MYO9B: variants seen among roughly 807,000 people sequenced by gnomAD.
The protein encoded by MYO9B is unconventional myosin-IXb.
MYO9B carries 71 observed loss-of-function variants against 229.5 expected under a neutral mutation model. The observed-to-expected ratio is 0.31, with a 90% CI of 0.26 to 0.38. The LOEUF (loss-of-function observed/expected upper bound fraction) is 0.38. MYO9B is among the 10% of genes least tolerant of loss of function. MYO9B has a pLI of 1.00. For synonymous variants in MYO9B, 1,185 were observed against 1,235.8 expected, an observed-to-expected ratio of 0.96 and a Z score of 0.86; for missense variants, 2,255 against 2,920.5, an observed-to-expected ratio of 0.77 and a Z score of 5.25.
intron 3 of MYO9B, among the ~76,000 whole-genome samples, chr19:17,147,389 C>T (rs1316269423): frequency 1.3e-5 from 2 of 151,980 alleles, no homozygotes; most frequent in East Asian, 3.9e-4. Flanking sequence ...ACTAAAAATA[C>T]AAAAATTAGC....
intron 4 of MYO9B, among the ~76,000 whole-genome samples, chr19:17,152,979 T>C (rs1040009375): frequency 1.3e-5 from 2 of 152,088 alleles, no homozygotes; most frequent in Admixed American, 1.3e-4. Flanking sequence ...CAAAATATAC[T>C]TAGATTGGAA....
Position 17,195,538 on chromosome 19 carries a change from A to G in MYO9B, c.4046+65A>G. 4 of 1,518,866 alleles carry G rather than the reference A, an allele frequency of 2.6e-6. No homozygotes were observed. Among genetic ancestry groups the G allele is most frequent in the Non-Finnish European group, 2.6e-6 (3 of 1,132,670 alleles). The allele number at this position is 1,518,866 out of a possible 1,614,324, so 94.1% of individuals were successfully genotyped here. A position where few individuals can be genotyped will look rare whatever the true frequency, so the allele number is the denominator to read the frequency against. ...AGGCCAGGTGGGCAAGGCCAGGGGCAGTGCCACACATCCTGGAAACACATG... is the reference window on the plus strand; with the variant it reads ...AGGCCAGGTGGGCAAGGCCAGGGGCGGTGCCACACATCCTGGAAACACATG... On this transcript the variant is annotated intron_variant, in intron 22 of 39. Coordinates refer to ENST00000682292, the MANE Select transcript of MYO9B (RefSeq NM_004145.4). The surrounding 1 kb of genome is among the most constrained non-coding windows in gnomAD (Gnocchi z 4.5).
intron 1 of MYO9B, among the ~76,000 whole-genome samples, chr19:17,099,691 G>A (rs530337650): frequency 2.7e-4 from 41 of 151,564 alleles, no homozygotes; most frequent in Admixed American, 9.2e-4. Flanking sequence ...GGTGGCGGGC[G>A]CCTGTTGTCT....
intron 4 of MYO9B, among the ~76,000 whole-genome samples, chr19:17,153,125 T>C (rs1474190977): frequency 6.6e-6 from 1 of 150,480 alleles, no homozygotes; most frequent in Non-Finnish European, 1.5e-5. Context: ...ACAGAGCAAG[T>C]CCTTGTCTCT....
chr19:17,126,856 G>A (rs949561962), intron 2 of MYO9B, among the ~76,000 whole-genome samples: 3 of 149,374 alleles, frequency 2.0e-5, no homozygotes, highest in African/African-American at 7.4e-5. Flanking sequence ...TAGAGACGGG[G>A]TTTCACCATA....
intron 19 of MYO9B, 110 bp downstream of exon 19, chr19:17,188,155 G>A: frequency 2.1e-6 from 2 of 938,866 alleles, no homozygotes; most frequent in Non-Finnish European, 3.3e-6. Context: ...TTGGCCAGGT[G>A]CAGTGGCTCA....
At chr19:17,175,823 T>TA in intron 14 of MYO9B, 82 bp downstream of exon 14, 218 of 800,452 alleles carry the variant, frequency 2.7e-4, no homozygotes, top group Non-Finnish European at 3.7e-4. Flanking sequence ...AATGCTACAT[T>TA]CTTTTTTTTT....
rs2072306090 is a variant in MYO9B at position 17,139,081 on chromosome 19, G to A, written c.841-6316G>A. Among the ~76,000 whole-genome samples the A allele has an allele frequency of 2.0e-5, 3 of 152,196 alleles. No homozygotes were observed. In the South Asian group the frequency reaches 6.2e-4, roughly 32 times the overall value. On this transcript the variant is annotated intron_variant, in intron 2 of 39. Transcript: ENST00000682292. ...AGTCCCAGTTACTCTGGAGGCTGAG[G>A]CAGGAGGATAGCCTGAACCTGGGAG... is the stretch of plus-strand genomic sequence containing the variant.
chr19:17,124,245 C>A (rs947431178), intron 2 of MYO9B, among the ~76,000 whole-genome samples: 3 of 151,862 alleles, frequency 2.0e-5, no homozygotes, highest in Admixed American at 2.0e-4. Context: ...GTAATCCCAG[C>A]TGTTGAGGAG....
rs1413664961 is a variant in MYO9B, at chr19:17,102,059, A to G, written c.342A>G (p.Ala114=). Residue 114 remains alanine (A), a synonymous_variant, in exon 2 of 40, where the codon GCA becomes GCG. Transcript: ENST00000682292. Reference sequence around the variant, plus strand: ...ACTTCCTGCTGCAGGAGCGCAACGCAGATGGAACCATCAAGTACGTGCATA... The same window carrying G: ...ACTTCCTGCTGCAGGAGCGCAACGCGGATGGAACCATCAAGTACGTGCATA... ...GYYFLLQERN[A]DGTIKYVHMQ... The G allele has an allele frequency of 1.9e-6, 3 of 1,612,620 alleles. No individual in the cohort carries two copies. The highest frequency in any genetic ancestry group is 2.5e-6 in the Non-Finnish European group (3 of 1,179,880).
chr19:17,120,982 G>A (rs975970905), intron 2 of MYO9B, among the ~76,000 whole-genome samples: 2 of 152,192 alleles, frequency 1.3e-5, no homozygotes, highest in African/African-American at 4.8e-5. Context: ...TGGCTCTATC[G>A]CCCAGGCTGG....
intron 3 of MYO9B, among the ~76,000 whole-genome samples, chr19:17,152,342 AG>A (rs2145268231): frequency 6.6e-6 from 1 of 152,328 alleles, no homozygotes; most frequent in Non-Finnish European, 1.5e-5. Flanking sequence ...CACTTGACAT[AG>A]GTCAAGAGTT....
At chr19:17,084,374 T>C in intron 1 of MYO9B, among the ~76,000 whole-genome samples, 1 of 151,824 alleles carries the variant, frequency 6.6e-6, no homozygotes, top group East Asian at 1.9e-4. Flanking sequence ...ATTCTGTGTA[T>C]TCTGGTATTT....
chr19:17,086,361 C>T (rs1243511556), intron 1 of MYO9B, among the ~76,000 whole-genome samples: 1 of 152,220 alleles, frequency 6.6e-6, no homozygotes, highest in African/African-American at 2.4e-5. Flanking sequence ...TCCTCAAGCT[C>T]TGGGCACGTC....
intron 2 of MYO9B, among the ~76,000 whole-genome samples, chr19:17,136,630 T>G (rs2072272875): frequency 1.4e-5 from 2 of 143,124 alleles, no homozygotes; most frequent in South Asian, 4.2e-4. Context: ...AGGGACGCTG[T>G]TCAACACCGT....
intron 22 of MYO9B, among the ~76,000 whole-genome samples, 156 bp from the exon 23 acceptor site, chr19:17,197,636 C>A (rs1167957342): frequency 2.6e-5 from 4 of 152,164 alleles, no homozygotes; most frequent in Non-Finnish European, 5.9e-5. Flanking sequence ...CCTTTCCCCC[C>A]ACCCAAGTGG....
intron 35 of MYO9B, among the ~76,000 whole-genome samples, chr19:17,208,338 CAAA>C (rs1268847351): frequency 3.9e-5 from 2 of 50,746 alleles, no homozygotes; most frequent in Non-Finnish European, 7.2e-5. Context: ...GACTCCGTCT[CAAA>C]AAAAAAAAAA....
At chr19:17,110,636 CA>C (rs2057838767) in intron 2 of MYO9B, among the ~76,000 whole-genome samples, 1 of 152,154 alleles carries the variant, frequency 6.6e-6, no homozygotes, top group Non-Finnish European at 1.5e-5. Flanking sequence ...ATTCTGAAAG[CA>C]GAAATAAAAT....
intron 3 of MYO9B, among the ~76,000 whole-genome samples, chr19:17,149,077 C>T (rs540281932): frequency 4.6e-5 from 7 of 152,106 alleles, no homozygotes; most frequent in East Asian, 1.9e-4. Context: ...TGGAGTCAAG[C>T]GATCCTCCTG....
Sources: allele counts gnomAD v4.1 joint callset (sites outside exome capture counted in the v4.1 genomes callset), GRCh38; gene constraint gnomAD v4.1.1; non-coding constraint Gnocchi (gnomAD v3.1); transcripts MANE v1.5; gene names NCBI Gene and HGNC (gene_info 2026-07-23, HGNC 2026-07-21).